The following FNDC3A variants were observed in gnomAD, a reference collection of about 807,000 sequenced individuals.
FNDC3A encodes the protein fibronectin type-III domain-containing protein 3A.
A neutral mutation model predicts 148.9 loss-of-function variants in FNDC3A; 32 were observed. The ratio of observed to expected loss-of-function variants is 0.21; its 90% CI spans 0.16 to 0.29. The LOEUF is 0.29. Among genes scored for constraint, FNDC3A ranks in the 10% least tolerant of loss-of-function variants. The pLI is 1.00. For synonymous variants in FNDC3A, 472 were observed against 473.6 expected (o/e 1.00, Z 0.04); for missense variants, 1,191 against 1,452.8 (o/e 0.82, Z 2.93).
chr13:49,200,261 T>C (rs1198468900), intron 23 of FNDC3A, among the ~76,000 whole-genome samples: 1 of 152,218 alleles, frequency 6.6e-6, no homozygotes, highest in Non-Finnish European at 1.5e-5. Context: ...ATAACCACTC[T>C]CTATCAGAAA....
intron 2 of FNDC3A, among the ~76,000 whole-genome samples, chr13:49,018,588 T>C (rs1249245183): frequency 6.6e-6 from 1 of 152,296 alleles, no homozygotes; most frequent in Non-Finnish European, 1.5e-5. Context: ...GTCTGAAGCC[T>C]TCTTCTCTCA....
At chr13:49,038,903 G>A (rs1257067056) in intron 2 of FNDC3A, among the ~76,000 whole-genome samples, 3 of 150,064 alleles carry the variant, frequency 2.0e-5, no homozygotes, top group Admixed American at 6.6e-5. Flanking sequence ...ATTTTTTTTT[G>A]CAAAAATATA....
At chr13:49,184,498 G>T (rs1566313191) in intron 14 of FNDC3A, among the ~76,000 whole-genome samples, 1 of 152,210 alleles carries the variant, frequency 6.6e-6, no homozygotes, top group African/African-American at 2.4e-5. Flanking sequence ...ATTGGATGCG[G>T]TTTAGAGAAG....
At chr13:49,031,941 ACTT>A (rs963187794) in intron 2 of FNDC3A, among the ~76,000 whole-genome samples, 1 of 152,202 alleles carries the variant, frequency 6.6e-6, no homozygotes, top group Non-Finnish European at 1.5e-5. Context: ...AAGAACTCTT[ACTT>A]CTTCTAAAAA....
chr13:48,992,656 T>C (rs1317704865), intron 1 of FNDC3A, among the ~76,000 whole-genome samples: 1 of 152,222 alleles, frequency 6.6e-6, no homozygotes. Flanking sequence ...GGTGTATTTA[T>C]GTGTCAAAAT....
At chr13:49,120,078 G>C (rs1407873741) in intron 4 of FNDC3A, among the ~76,000 whole-genome samples, 1 of 152,112 alleles carries the variant, frequency 6.6e-6, no homozygotes, top group African/African-American at 2.4e-5. Flanking sequence ...AAATGTTAAG[G>C]GCAGCCAGAG....
intron 1 of FNDC3A, among the ~76,000 whole-genome samples, chr13:48,977,671 T>C (rs1189351181): frequency 6.6e-6 from 1 of 152,222 alleles, no homozygotes; most frequent in Non-Finnish European, 1.5e-5. Context: ...TTATGAAATA[T>C]AACCTGAAAT....
intron 16 of FNDC3A, chr13:49,187,723 G>A: frequency 7.9e-7 from 1 of 1,272,900 alleles, no homozygotes; most frequent in Non-Finnish European, 1.1e-6. Context: ...GGATGAAATG[G>A]CGGCACCTCA....
At chr13:49,055,731 A>C (rs976868019) in intron 2 of FNDC3A, among the ~76,000 whole-genome samples, 3 of 152,048 alleles carry the variant, frequency 2.0e-5, no homozygotes, top group Admixed American at 1.3e-4. Context: ...AGATCGAACC[A>C]ATATATATCT....
Position 49,167,233 on chromosome 13 carries a change from T to C in FNDC3A, c.978-11T>C, listed in dbSNP as rs909202961. ...TTTATCAGACATGATATATTACCCT[T>C]TTTTCCCCAGAGGAGAAGAAACAAA... On this transcript the variant is annotated splice_polypyrimidine_tract_variant and intron_variant, in intron 8 of 25. Coordinates refer to ENST00000492622, the MANE Select transcript of FNDC3A (RefSeq NM_001079673.2). 6.3e-7 allele frequency: 1 copy of C among 1,578,994 alleles called. No individual in the cohort carries two copies. Among genetic ancestry groups the C allele is most frequent in the Non-Finnish European group, 8.7e-7 (1 of 1,153,966 alleles).
chr13:49,017,770 T>G (rs1872925671), intron 2 of FNDC3A, among the ~76,000 whole-genome samples: 1 of 152,096 alleles, frequency 6.6e-6, no homozygotes, highest in African/African-American at 2.4e-5. Flanking sequence ...TAGCGCTTCC[T>G]TCAGGAGCTC....
At chr13:49,008,625 A>G (rs1363858382) in intron 2 of FNDC3A, among the ~76,000 whole-genome samples, 1 of 151,966 alleles carries the variant, frequency 6.6e-6, no homozygotes, top group Non-Finnish European at 1.5e-5. Context: ...CCTCATTAAT[A>G]TTTTCTGGTT....
chr13:49,006,563 C>T (rs944674739), intron 2 of FNDC3A, among the ~76,000 whole-genome samples: 2 of 151,884 alleles, frequency 1.3e-5, no homozygotes, highest in African/African-American at 4.8e-5. Flanking sequence ...GTGCTAGTCC[C>T]TGAGTTTAGC....
chr13:48,996,196 C>T (rs1255602264), intron 1 of FNDC3A, among the ~76,000 whole-genome samples: 1 of 152,014 alleles, frequency 6.6e-6, no homozygotes, highest in Non-Finnish European at 1.5e-5. Flanking sequence ...TAAAAAAAAA[C>T]TTGAGAAATA....
intron 2 of FNDC3A, among the ~76,000 whole-genome samples, chr13:49,018,825 G>A (rs902278843): frequency 2.6e-5 from 4 of 152,200 alleles, no homozygotes; most frequent in African/African-American, 9.7e-5. Flanking sequence ...CTAACAGACA[G>A]GACCCTCAGC....
chr13:49,170,200 CATT>C (rs1484906953), intron 10 of FNDC3A, among the ~76,000 whole-genome samples: 2 of 152,064 alleles, frequency 1.3e-5, no homozygotes, highest in Non-Finnish European at 2.9e-5. Context: ...AAAAAGATAT[CATT>C]GTCACTGTTA....
chr13:49,100,090 T>C (rs1879769145), intron 3 of FNDC3A, among the ~76,000 whole-genome samples: 1 of 152,126 alleles, frequency 6.6e-6, no homozygotes, highest in Admixed American at 6.5e-5. Flanking sequence ...AAAATACATA[T>C]ATACTAAGAA....
intron 2 of FNDC3A, among the ~76,000 whole-genome samples, chr13:49,030,253 A>C (rs184212968): frequency 6.6e-6 from 1 of 152,224 alleles, no homozygotes; most frequent in Non-Finnish European, 1.5e-5. Context: ...TACATAGAAC[A>C]ATCATTGTAA....
chr13:49,161,930 T>C (rs1301449065), intron 8 of FNDC3A, among the ~76,000 whole-genome samples: 3 of 152,244 alleles, frequency 2.0e-5, no homozygotes, highest in Non-Finnish European at 2.9e-5. Context: ...TGTTGAATAT[T>C]GGCCCCCACT....
Sources: gnomAD v4.1 joint callset for allele counts (sites outside exome capture counted in the v4.1 genomes callset) on GRCh38, gnomAD v4.1.1 for gene constraint, MANE v1.5 for transcripts, NCBI Gene and HGNC (gene_info 2026-07-23, HGNC 2026-07-21) for gene names.